ZNF407: variants seen among roughly 807,000 people sequenced by gnomAD.
ZNF407 encodes the protein zinc finger protein 407.
Under a neutral mutation model 131.2 loss-of-function variants are expected in ZNF407, and 17 were observed. The observed-to-expected ratio is 0.13, with a 90% CI of 0.09 to 0.19. ZNF407 has a LOEUF of 0.19. Ranked by LOEUF, ZNF407 falls within the 10% of genes least tolerant of loss-of-function variation. The probability of loss-of-function intolerance (pLI) is 1.00; values close to 1 mark genes in which losing one functional copy is unlikely to be tolerated. For synonymous variants in ZNF407, 1,156 were observed against 1,062.0 expected (o/e 1.09, Z -1.72); for missense variants, 2,681 against 2,830.6 (o/e 0.95, Z 1.20).
rs1419107107 is a variant in ZNF407 at position 75,032,971 on chromosome 18, G to C, written c.5429-30179G>C. ...TTAGTTAACTAAGAGTGCTCGGAAT[G>C]GGGGGAAGATAGTATTAGATAACTG... On this transcript the variant is annotated intron_variant, in intron 8 of 8. Coordinates refer to ENST00000299687, the MANE Select transcript of ZNF407 (RefSeq NM_017757.3). Among the ~76,000 whole-genome samples, 41 of 126,392 alleles carry C rather than the reference G, an allele frequency of 3.2e-4. 1 individual carries two copies. The highest frequency in any genetic ancestry group is 1.3e-3 in the African/African-American group (41 of 31,828). 82.9% of individuals were successfully genotyped at this position (126,392 alleles called of 152,430 possible).
At chr18:74,960,814 A>G (rs1972333420) in intron 8 of ZNF407, among the ~76,000 whole-genome samples, 1 of 142,676 alleles carries the variant, frequency 7.0e-6, no homozygotes, top group Non-Finnish European at 1.5e-5. Flanking sequence ...TGGTGGAGGG[A>G]TAGGAGAAGG....
At chr18:74,858,030 C>G (rs1970884271) in intron 4 of ZNF407, among the ~76,000 whole-genome samples, 2 of 146,276 alleles carry the variant, frequency 1.4e-5, no homozygotes, top group Non-Finnish European at 3.0e-5. Context: ...CCTTCCCTCC[C>G]ACCCTCTCTT....
Position 74,632,553 on chromosome 18 carries a change from G to A in ZNF407, c.1534G>A (p.Gly512Arg), listed in dbSNP as rs7227263. The A allele has an allele frequency of 0.12, 198,378 of 1,613,912 alleles. 13,450 individuals are homozygous for A. The highest frequency in any genetic ancestry group is 0.14 in the Non-Finnish European group (167,462 of 1,179,870). Residue 512 changes from glycine to arginine, a missense_variant, in exon 2 of 9, where the codon GGG becomes AGG. Around this residue, in one of 6 missense-constraint regions of ZNF407, gnomAD observed 1,789 missense variants for 1,748.7 expected, o/e 1.02. Transcript: ENST00000299687. ...GGGGAGTGCCCGTCCTCCGGACTCC[G>A]GGCTGCATTCCCTGACAGTGAAGCC... ...GQGSARPPDS[G>R]LHSLTVKPAS... is the part of the protein sequence containing the mutation.
chr18:75,054,615 G>A (rs1470673616), intron 8 of ZNF407, among the ~76,000 whole-genome samples: 1 of 152,202 alleles, frequency 6.6e-6, no homozygotes, highest in Non-Finnish European at 1.5e-5. Flanking sequence ...TGTATAATGT[G>A]TACAACTTTT....
At chr18:74,615,723 C>G (rs1485621230) in intron 1 of ZNF407, among the ~76,000 whole-genome samples, 2 of 152,124 alleles carry the variant, frequency 1.3e-5, no homozygotes, top group Non-Finnish European at 2.9e-5. Flanking sequence ...AGTAATATTA[C>G]AGTTAGGACA....
At chr18:74,898,343 T>C (rs1346714965) in intron 7 of ZNF407, 1 of 152,230 alleles carries the variant, frequency 6.6e-6, no homozygotes, top group Non-Finnish European at 1.5e-5. Flanking sequence ...TGTTGGATTT[T>C]TTTTCCTATT....
chr18:74,701,025 T>C (rs1174425006), intron 3 of ZNF407, among the ~76,000 whole-genome samples: 2 of 152,046 alleles, frequency 1.3e-5, no homozygotes, highest in Non-Finnish European at 2.9e-5. Context: ...AAGGGTGGGG[T>C]CCTCATACTG....
chr18:74,677,836 A>T (rs1239373987), intron 3 of ZNF407, among the ~76,000 whole-genome samples: 3 of 151,620 alleles, frequency 2.0e-5, no homozygotes, highest in African/African-American at 7.3e-5. Context: ...CCATTTATTT[A>T]TTCGAGACGG....
chr18:74,804,466 A>C, intron 4 of ZNF407: 1 of 989,774 alleles, frequency 1.0e-6, no homozygotes, highest in Non-Finnish European at 1.2e-6. Flanking sequence ...GTTAATCAGC[A>C]CATGGATCTT....
intron 3 of ZNF407, among the ~76,000 whole-genome samples, chr18:74,720,285 C>T (rs692967): frequency 6.6e-6 from 1 of 150,486 alleles, no homozygotes; most frequent in Non-Finnish European, 1.5e-5. Flanking sequence ...AACAGTTTTT[C>T]TTATATTTGG....
chr18:74,883,933 G>C (rs1365931034), intron 6 of ZNF407, among the ~76,000 whole-genome samples: 3 of 152,192 alleles, frequency 2.0e-5, no homozygotes, highest in African/African-American at 7.2e-5. Context: ...TTTCATCCTT[G>C]TTCTGCTTGT....
rs866420311 is a variant in ZNF407, at chr18:74,781,446, G to A, written c.4821G>A (p.Lys1607=). 1 of 1,543,786 alleles carries A rather than the reference G, an allele frequency of 6.5e-7. No individual in the cohort carries two copies. Among genetic ancestry groups the A allele is most frequent in the African/African-American group, 1.4e-5 (1 of 72,400 alleles). ...TTTTTAGGGTTGCTTTTGTAATGAAGAAGCACTTAAATACTCATCTACTAG... is the reference window on the plus strand; with the variant it reads ...TTTTTAGGGTTGCTTTTGTAATGAAAAAGCACTTAAATACTCATCTACTAG... The part of the protein sequence containing the change: ...CHVCGVAFVM[K]KHLNTHLLGK... The change falls in exon 4 of 9, where the codon AAG becomes AAA. Residue 1607 remains lysine (K), a synonymous_variant. Transcript: ENST00000299687.
intron 8 of ZNF407, among the ~76,000 whole-genome samples, chr18:74,949,900 T>C (rs534291527): frequency 6.6e-6 from 1 of 152,302 alleles, no homozygotes; most frequent in South Asian, 2.1e-4. Flanking sequence ...TTGGATTCAA[T>C]TCAGAGAATT....
intron 3 of ZNF407, among the ~76,000 whole-genome samples, chr18:74,675,902 T>C (rs1320589758): frequency 6.6e-6 from 1 of 152,182 alleles, no homozygotes; most frequent in East Asian, 1.9e-4. Flanking sequence ...AAAGCCTTCA[T>C]TGTTGTTGTT....
At chr18:74,697,245 G>A (rs563053060) in intron 3 of ZNF407, among the ~76,000 whole-genome samples, 69 of 152,110 alleles carry the variant, frequency 4.5e-4, no homozygotes, top group African/African-American at 1.6e-3. Flanking sequence ...CTATTAGGTG[G>A]GCAATGTTGT....
At chr18:74,706,706 G>T (rs963675743) in intron 3 of ZNF407, among the ~76,000 whole-genome samples, 1 of 152,308 alleles carries the variant, frequency 6.6e-6, no homozygotes, top group East Asian at 1.9e-4. Flanking sequence ...GATTGAGAGT[G>T]ATTGGGGATA....
At chr18:74,983,266 C>G (rs993443016) in intron 8 of ZNF407, among the ~76,000 whole-genome samples, 1 of 152,076 alleles carries the variant, frequency 6.6e-6, no homozygotes, top group Admixed American at 6.5e-5. Flanking sequence ...GCTAGAGGTC[C>G]CTTTTCCTGC....
chr18:74,717,938 T>C (rs1967934651), intron 3 of ZNF407, among the ~76,000 whole-genome samples: 1 of 152,244 alleles, frequency 6.6e-6, no homozygotes, highest in Non-Finnish European at 1.5e-5. Flanking sequence ...TACTAACCTG[T>C]ATTTGCAAAT....
At chr18:74,684,619 A>G in intron 3 of ZNF407, among the ~76,000 whole-genome samples, 1 of 152,194 alleles carries the variant, frequency 6.6e-6, no homozygotes, top group African/African-American at 2.4e-5. Context: ...AAACCGAATT[A>G]TTTGCATGTA....
Sources: gnomAD v4.1 joint callset for allele counts (sites outside exome capture counted in the v4.1 genomes callset) on GRCh38, gnomAD v4.1.1 for gene constraint, gnomAD v4.1.1 regional missense constraint, MANE v1.5 for transcripts, NCBI Gene and HGNC (gene_info 2026-07-23, HGNC 2026-07-21) for gene names.